Variants in PPP2R2B observed in about 807,000 individuals in gnomAD.
PPP2R2B encodes protein phosphatase 2 regulatory subunit Bbeta.
A neutral mutation model predicts 46.0 loss-of-function variants in PPP2R2B; 5 were observed. That is an observed-to-expected ratio of 0.11 (90% CI 0.06 to 0.23). The LOEUF (loss-of-function observed/expected upper bound fraction) is 0.23. Ranked by LOEUF, PPP2R2B falls within the 10% of genes least tolerant of loss-of-function variation. The pLI is 1.00. For synonymous variants in PPP2R2B, 215 were observed against 206.7 expected (o/e 1.04, Z -0.34); for missense variants, 367 against 575.0 (o/e 0.64, Z 3.70).
chr5:146,649,077 T>A (rs1257206485), intron 6 of PPP2R2B, among the ~76,000 whole-genome samples: 2 of 152,206 alleles, frequency 1.3e-5, no homozygotes, highest in Admixed American at 6.5e-5. Flanking sequence ...CAGATGAGAT[T>A]ATTGCAGTCA....
chr5:146,750,474 C>T lies in PPP2R2B; in HGVS notation c.71-49332G>A, dbSNP rs560374871. 2.0e-5 allele frequency among the ~76,000 whole-genome samples: 3 copies of T among 152,274 alleles called. No individual in the cohort carries two copies. In the South Asian group the frequency reaches 6.2e-4, roughly 32 times the overall value. ...TTAGGACGAACTAGGGTAACAAATTCAGTTGCTCAAAAGAGGCCGCATGTA... is the reference window on the plus strand; with the variant it reads ...TTAGGACGAACTAGGGTAACAAATTTAGTTGCTCAAAAGAGGCCGCATGTA... On this transcript the variant is annotated intron_variant, in intron 2 of 9. Transcript: ENST00000394411.
At chr5:147,023,661 T>C (rs922160166) in intron 1 of PPP2R2B, among the ~76,000 whole-genome samples, 9 of 152,146 alleles carry the variant, frequency 5.9e-5, no homozygotes, top group African/African-American at 1.9e-4. Context: ...GGTAATTTTA[T>C]GTGTCAGTTT....
chr5:146,834,215 C>T (rs957203397), intron 2 of PPP2R2B, among the ~76,000 whole-genome samples: 1 of 152,158 alleles, frequency 6.6e-6, no homozygotes, highest in African/African-American at 2.4e-5. Flanking sequence ...GCTTTATATA[C>T]ATAATCCATT....
intron 2 of PPP2R2B, among the ~76,000 whole-genome samples, chr5:147,079,434 T>TTTTATATATA (rs1554091362): frequency 1.2e-5 from 1 of 80,966 alleles, no homozygotes; most frequent in African/African-American, 4.2e-5. Flanking sequence ...CACACACATT[T>TTTTATATATA]TATATATATA....
chr5:146,939,968 A>C (rs1764269426), intron 1 of PPP2R2B, among the ~76,000 whole-genome samples: 1 of 152,212 alleles, frequency 6.6e-6, no homozygotes, highest in African/African-American at 2.4e-5. Flanking sequence ...GGTTTGAGCC[A>C]TTTGTAATCT....
Position 147,031,007 on chromosome 5 carries a change from C to A in PPP2R2B, c.79+24658G>T, listed in dbSNP as rs10059153. On this transcript the variant is annotated intron_variant, in intron 1 of 8. Coordinates refer to the PPP2R2B transcript ENST00000336640. ...ATCCCAGCACTTTGAGAGGCCAAGG[C>A]GGGCGGATCACGAGGTCAGGAGATC... Among the ~76,000 whole-genome samples, 161 of 152,202 alleles carry A rather than the reference C, an allele frequency of 1.1e-3. 1 individual carries two copies. The highest frequency in any genetic ancestry group is 3.7e-3 in the African/African-American group (155 of 41,540).
chr5:146,743,206 T>G (rs1333322419), intron 2 of PPP2R2B, among the ~76,000 whole-genome samples: 1 of 152,224 alleles, frequency 6.6e-6, no homozygotes, highest in Non-Finnish European at 1.5e-5. Flanking sequence ...AAGATTGTCA[T>G]AAACGATTGA....
At chr5:147,040,779 GGC>G in intron 1 of PPP2R2B, 1 of 446,826 alleles carries the variant, frequency 2.2e-6, no homozygotes, top group South Asian at 1.6e-5. Flanking sequence ...GTGTAAATAG[GGC>G]CAATTTCAAG....
chr5:146,688,686 C>T (rs59344782), intron 5 of PPP2R2B, among the ~76,000 whole-genome samples: 3,550 of 152,018 alleles, frequency 0.023, 213 homozygotes, highest in East Asian at 0.22. Context: ...TCTCTGCTCT[C>T]GTGGAAACTG....
At chr5:147,011,082 T>A (rs1754707962) in intron 1 of PPP2R2B, among the ~76,000 whole-genome samples, 1 of 152,186 alleles carries the variant, frequency 6.6e-6, no homozygotes, top group African/African-American at 2.4e-5. Context: ...CCTTTCCGAC[T>A]ACTGCCCCTT....
chr5:146,957,520 G>A lies in PPP2R2B; in HGVS notation c.79+98145C>T, dbSNP rs1049198487. ...ATAGTGTATTTAAGTTGAGCCTTGAGAGAGAAGAGAAAATTCAGTAGGCAC... is the reference window on the plus strand; with the variant it reads ...ATAGTGTATTTAAGTTGAGCCTTGAAAGAGAAGAGAAAATTCAGTAGGCAC... On this transcript the variant is annotated intron_variant, in intron 1 of 8. Coordinates refer to the PPP2R2B transcript ENST00000336640. 5.9e-5 allele frequency among the ~76,000 whole-genome samples: 9 copies of A among 152,302 alleles called. No homozygotes were observed. The East Asian group carries it at 1.2e-3, about 20-fold the overall frequency.
At chr5:146,856,031 C>T (rs1420495114) in intron 2 of PPP2R2B, among the ~76,000 whole-genome samples, 1 of 152,144 alleles carries the variant, frequency 6.6e-6, no homozygotes, top group Non-Finnish European at 1.5e-5. Flanking sequence ...TCGTTATATT[C>T]AAAGTAAGAT....
intron 2 of PPP2R2B, among the ~76,000 whole-genome samples, chr5:146,708,224 G>A (rs1227935668): frequency 6.6e-6 from 1 of 151,952 alleles, no homozygotes; most frequent in Non-Finnish European, 1.5e-5. Flanking sequence ...CGGCATGGTG[G>A]TGTATGTCTG....
chr5:146,644,601 A>G (rs322497), intron 6 of PPP2R2B, among the ~76,000 whole-genome samples: 1 of 152,156 alleles, frequency 6.6e-6, no homozygotes, highest in Admixed American at 6.5e-5. Context: ...TGAAAAATAC[A>G]GTGATTGTAA....
chr5:146,882,388 C>A (rs319206), upstream of PPP2R2B, among the ~76,000 whole-genome samples: 73,995 of 151,994 alleles, frequency 0.49, 19,718 homozygotes, highest in East Asian at 0.72. Context: ...ACTTTCTTAG[C>A]AATACAGCAA....
At chr5:146,770,500 AAAAT>A (rs1368451208) in intron 2 of PPP2R2B, among the ~76,000 whole-genome samples, 11 of 152,120 alleles carry the variant, frequency 7.2e-5, no homozygotes, top group African/African-American at 2.7e-4. Context: ...ATTCTATATA[AAAAT>A]AAATGTATTG....
At chr5:147,080,762 A>G (rs1757946947) in intron 2 of PPP2R2B, among the ~76,000 whole-genome samples, 1 of 152,190 alleles carries the variant, frequency 6.6e-6, no homozygotes, top group Non-Finnish European at 1.5e-5. Flanking sequence ...TGGACTCAGA[A>G]TTCTACAGCG....
intron 1 of PPP2R2B, among the ~76,000 whole-genome samples, chr5:146,922,078 G>T (rs1408352001): frequency 6.6e-6 from 1 of 152,170 alleles, no homozygotes; most frequent in Non-Finnish European, 1.5e-5. Flanking sequence ...TTGCTAAACT[G>T]TATGCTAAAC....
chr5:146,840,622 G>C (rs1322922189), intron 2 of PPP2R2B, among the ~76,000 whole-genome samples: 1 of 152,122 alleles, frequency 6.6e-6, no homozygotes, highest in Non-Finnish European at 1.5e-5. Context: ...GTGACAGGCA[G>C]ACTTCAAAAA....
Sources: gnomAD v4.1 joint callset for allele counts (sites outside exome capture counted in the v4.1 genomes callset) on GRCh38, gnomAD v4.1.1 for gene constraint, MANE v1.5 for transcripts, NCBI Gene and HGNC (gene_info 2026-07-23, HGNC 2026-07-21) for gene names.